Variants in COX7B observed in about 807,000 individuals in gnomAD.
The protein encoded by COX7B is cytochrome c oxidase subunit 7B.
A neutral mutation model predicts 7.9 loss-of-function variants in COX7B; 2 were observed. The ratio of observed to expected loss-of-function variants is 0.25; its 90% CI spans 0.10 to 0.79. The LOEUF (loss-of-function observed/expected upper bound fraction) is 0.79. Ranked by LOEUF, COX7B falls within the 30% of genes least tolerant of loss-of-function variation. The probability of loss-of-function intolerance (pLI) is 0.69; values close to 1 mark genes in which losing one functional copy is unlikely to be tolerated. For missense variants in COX7B, 54 were observed against 62.7 expected (o/e 0.86, Z 0.47); for synonymous variants, 19 against 21.1 (o/e 0.90, Z 0.27).
At chrX:77,899,952 A>G (rs782493840) in intron 1 of COX7B, among the ~76,000 whole-genome samples, 1 of 112,244 alleles carries the variant, frequency 8.9e-6, no homozygotes, top group Non-Finnish European at 1.9e-5. Context: ...ATAGAAAAAT[A>G]TCTTCTCCAA....
At position 77,899,703 on chromosome X, in the gene COX7B, C is replaced by T. The variant is rs781888900; in HGVS notation, c.40+110C>T. The T allele has an allele frequency of 2.2e-5, 16 of 721,693 alleles. No homozygotes were observed. The African/African-American group carries it at 2.8e-4, about 12-fold the overall frequency. 59.5% of individuals were successfully genotyped at this position (721,693 alleles called of 1,213,427 possible). On this transcript the variant is annotated intron_variant, in intron 1 of 2. Transcript: ENST00000650309. The stretch of plus-strand genomic sequence containing the variant: ...CATCTCGGCCTTCTAATCTTGAATG[C>T]TGTCTGTCTCCCATCTCGTCCCAAG...
At chrX:77,903,678 A>G (rs1292017089) in intron 2 of COX7B, among the ~76,000 whole-genome samples, 1 of 110,745 alleles carries the variant, frequency 9.0e-6, no homozygotes, top group East Asian at 2.8e-4. Flanking sequence ...TCTATCAGTA[A>G]TTTTTTTGTT....
Position 77,899,562 on chromosome X carries a change from C to T in COX7B, c.9C>T (p.Pro3=). The change falls in exon 1 of 3, where the codon CCC becomes CCT. Residue 3 remains proline, a synonymous_variant. Transcript: ENST00000650309. ...CTAGCTTCACCTTCACGATGTTTCC[C>T]TTGGTCAAAAGCGCACTAAATCGTC... MF[P]LVKSALNRLQ... The T allele has an allele frequency of 8.3e-7, 1 of 1,211,385 alleles. No homozygotes were observed. The highest frequency in any genetic ancestry group is 1.1e-6 in the Non-Finnish European group (1 of 895,387).
intron 1 of COX7B, among the ~76,000 whole-genome samples, 198 bp downstream of exon 1, chrX:77,899,791 T>G (rs2077116124): frequency 9.0e-6 from 1 of 111,126 alleles, no homozygotes; most frequent in Non-Finnish European, 1.9e-5. Flanking sequence ...GGTTTCCAGC[T>G]CTCTTTCTGT....
chrX:77,905,298 A>G lies in COX7B; in HGVS notation c.*37A>G. 1 of 1,066,021 alleles carries G rather than the reference A, an allele frequency of 9.4e-7. No individual in the cohort carries two copies. The highest frequency in any genetic ancestry group is 1.9e-5 in the South Asian group (1 of 53,478). 87.9% of individuals were successfully genotyped at this position (1,066,021 alleles called of 1,213,427 possible). On this transcript the variant is annotated 3_prime_UTR_variant, in exon 3 of 3. Transcript: ENST00000650309. ...GGTGTAATAATGAATTGTTTAAAAA[A>G]CAGCTCATAATTGATGCCAAATTAA...
chrX:77,904,630 C>T (rs1192604629), intron 2 of COX7B, among the ~76,000 whole-genome samples: 3 of 102,385 alleles, frequency 2.9e-5, no homozygotes, highest in Non-Finnish European at 5.9e-5. Flanking sequence ...GGCGATAAAG[C>T]GAGACTGTCT....
At chrX:77,902,976 C>T (rs2077124785) in intron 2 of COX7B, 1 of 308,379 alleles carries the variant, frequency 3.2e-6, no homozygotes, top group Non-Finnish European at 5.5e-6. Flanking sequence ...AAATTGCTTA[C>T]TGGATCACAA....
chrX:77,901,439 T>G (rs1417823592), intron 1 of COX7B, among the ~76,000 whole-genome samples: 2 of 106,964 alleles, frequency 1.9e-5, no homozygotes, highest in African/African-American at 6.8e-5. Context: ...CCCCTTAAAT[T>G]GGACAGGAAG....
rs782112788 is a variant in COX7B, at chrX:77,899,491, A to G, written c.-63A>G. 106 of 1,145,647 alleles carry G rather than the reference A, an allele frequency of 9.3e-5. No individual in the cohort carries two copies. In the South Asian group the frequency reaches 1.8e-3, roughly 19 times the overall value. 94.4% of individuals were successfully genotyped at this position (1,145,647 alleles called of 1,213,427 possible). A position where few individuals can be genotyped will look rare whatever the true frequency, so the allele number is the denominator to read the frequency against. The stretch of plus-strand genomic sequence containing the variant: ...TTGTTTTTCAGCTCACTTCAAGGGT[A>G]CCTGAAGCGAATTGGCACCAAAGCA... On this transcript the variant is annotated 5_prime_UTR_variant, in exon 1 of 3. Transcript: ENST00000650309.
intron 1 of COX7B, 109 bp from the exon 2 acceptor site, chrX:77,902,534 G>A (rs2077123117): frequency 2.4e-6 from 2 of 843,185 alleles, no homozygotes; most frequent in African/African-American, 2.0e-5. Context: ...ACATAATACT[G>A]TAAAATTAAC....
intron 2 of COX7B, chrX:77,903,022 G>GT (rs2077124952): frequency 5.8e-5 from 11 of 189,218 alleles, no homozygotes; most frequent in South Asian, 2.3e-4. Flanking sequence ...TGTTTTTTTT[G>GT]TTTTTGTTTT....
At chrX:77,899,660 G>T in intron 1 of COX7B, 67 bp downstream of exon 1, 1 of 1,064,150 alleles carries the variant, frequency 9.4e-7, no homozygotes, top group Non-Finnish European at 1.3e-6. Flanking sequence ...GGCCTCTCGT[G>T]TGCTTTCCTT....
In COX7B at chrX:77,905,479, A is replaced by AT; in HGVS notation, c.*218_*219insT. 8.8e-6 allele frequency: 1 copy of AT among 113,550 alleles called. No homozygotes were observed. Among genetic ancestry groups the AT allele is most frequent in the Non-Finnish European group, 1.6e-5 (1 of 62,131 alleles). 9.4% of individuals were successfully genotyped at this position (113,550 alleles called of 1,213,427 possible). ...TCAAATGCTGTGCAGCTTCTTAAAT[A>AT]GGTTTTTTTTTTTTTTTTTTTTTTT... On this transcript the variant is annotated 3_prime_UTR_variant, in exon 3 of 3. Transcript: ENST00000650309.
chrX:77,902,312 T>C (rs1170226030), intron 1 of COX7B, among the ~76,000 whole-genome samples: 2 of 112,088 alleles, frequency 1.8e-5, no homozygotes, highest in Non-Finnish European at 3.8e-5. Flanking sequence ...CTTTGCTTTT[T>C]TCCCCCAACA....
At chrX:77,900,538 T>C (rs1360013936) in intron 1 of COX7B, among the ~76,000 whole-genome samples, 1 of 112,393 alleles carries the variant, frequency 8.9e-6, no homozygotes, top group Non-Finnish European at 1.9e-5. Context: ...GAAGGTGACC[T>C]TGAGTAACGT....
At position 77,905,535 on chromosome X, in the gene COX7B, G is replaced by T. The variant is rs1031976969; in HGVS notation, c.*274G>T. On this transcript the variant is annotated 3_prime_UTR_variant, in exon 3 of 3. Coordinates refer to ENST00000650309, the MANE Select transcript of COX7B (RefSeq NM_001866.3). ...GGACGAAGTCTCACTTTGTCCCCCA[G>T]GCTGGAGTGCAGTGGCACCATCTCA... The T allele has an allele frequency of 1.0e-4, 20 of 193,486 alleles. No individual in the cohort carries two copies. The highest frequency in any genetic ancestry group is 1.7e-4 in the Non-Finnish European group (20 of 115,437). 15.9% of individuals were successfully genotyped at this position (193,486 alleles called of 1,213,427 possible).
intron 2 of COX7B, 75 bp from the exon 3 acceptor site, chrX:77,905,109 C>A: frequency 2.4e-6 from 2 of 844,841 alleles, no homozygotes; most frequent in South Asian, 2.1e-5. Flanking sequence ...GAATATCTGT[C>A]ATTTTCAAGA....
intron 2 of COX7B, among the ~76,000 whole-genome samples, chrX:77,904,122 T>C (rs913284751): frequency 9.5e-6 from 1 of 105,162 alleles, no homozygotes. Context: ...TTAGTAGAGA[T>C]GGGGTTTCAC....
chrX:77,905,289 G>A lies in COX7B; in HGVS notation c.*28G>A. ...ATCCCAGCTGGTGTAATAATGAATT[G>A]TTTAAAAAACAGCTCATAATTGATG... is the stretch of plus-strand genomic sequence containing the variant. On this transcript the variant is annotated 3_prime_UTR_variant, in exon 3 of 3. Coordinates refer to ENST00000650309, the MANE Select transcript of COX7B (RefSeq NM_001866.3). 1 of 1,126,660 alleles carries A rather than the reference G, an allele frequency of 8.9e-7. No homozygotes were observed. The allele number at this position is 1,126,660 out of a possible 1,213,427, so 92.8% of individuals were successfully genotyped here. A position where few individuals can be genotyped will look rare whatever the true frequency, so the allele number is the denominator to read the frequency against.
Sources: allele counts gnomAD v4.1 joint callset (sites outside exome capture counted in the v4.1 genomes callset), GRCh38; gene constraint gnomAD v4.1.1; transcripts MANE v1.5; gene names NCBI Gene and HGNC (gene_info 2026-07-23, HGNC 2026-07-21).